The following ADAMTSL1 variants were observed in gnomAD, a reference collection of about 807,000 sequenced individuals.
ADAMTSL1 encodes the protein ADAMTS-like protein 1.
ADAMTSL1 carries 126 observed loss-of-function variants against 201.8 expected under a neutral mutation model. The ratio of observed to expected loss-of-function variants is 0.62; its 90% CI spans 0.54 to 0.72. The LOEUF is 0.72. Among genes scored for constraint, ADAMTSL1 ranks in the 30% least tolerant of loss-of-function variants. The pLI, the probability that ADAMTSL1 is intolerant of heterozygous loss-of-function variation, is 0.00. For synonymous variants in ADAMTSL1, 1,121 were observed against 903.4 expected (o/e 1.24, Z -4.32); for missense variants, 2,679 against 2,277.8 (o/e 1.18, Z -3.59).
Position 18,503,421 on chromosome 9 carries a change from G to GTGTGTATATATATATATATATA in ADAMTSL1, c.64-1407_64-1406insGTGTATATATATATATATATAT, listed in dbSNP as rs376466829. On this transcript the variant is annotated intron_variant, in intron 1 of 28. Coordinates refer to ENST00000380548, the MANE Select transcript of ADAMTSL1 (RefSeq NM_001040272.6). ...TTAAGGCTGAATAGTATTCCATTGT[G>GTGTGTATATATATATATATATA]TATATATATATATATATATACCACA... Among the ~76,000 whole-genome samples the GTGTGTATATATATATATATATA allele has an allele frequency of 1.2e-4, 14 of 115,284 alleles. 1 individual carries two copies. The East Asian group carries it at 2.0e-3, about 17-fold the overall frequency. 75.6% of individuals were successfully genotyped at this position (115,284 alleles called of 152,430 possible).
intron 1 of ADAMTSL1, among the ~76,000 whole-genome samples, chr9:18,076,271 G>T (rs1181133021): frequency 6.6e-6 from 1 of 152,214 alleles, no homozygotes; most frequent in Non-Finnish European, 1.5e-5. Flanking sequence ...TTACCATGGT[G>T]CTGTGCTACC....
intron 1 of ADAMTSL1, among the ~76,000 whole-genome samples, chr9:18,107,899 G>A (rs1004537749): frequency 2.0e-5 from 3 of 152,100 alleles, no homozygotes; most frequent in African/African-American, 4.8e-5. Flanking sequence ...CAGAGCCACC[G>A]TGCTGAGCCC....
At chr9:18,745,684 A>G (rs1819102795) in intron 15 of ADAMTSL1, among the ~76,000 whole-genome samples, 1 of 152,160 alleles carries the variant, frequency 6.6e-6, no homozygotes, top group African/African-American at 2.4e-5. Flanking sequence ...ATACTCATTT[A>G]TATCTGTTGA....
intron 2 of ADAMTSL1, among the ~76,000 whole-genome samples, chr9:18,352,313 G>A (rs781703181): frequency 2.6e-5 from 4 of 152,256 alleles, no homozygotes; most frequent in Non-Finnish European, 4.4e-5. Context: ...GAAATGGCTC[G>A]AAAGGCAGAT....
intron 1 of ADAMTSL1, among the ~76,000 whole-genome samples, chr9:18,119,010 C>T (rs1291360401): frequency 6.6e-6 from 1 of 152,160 alleles, no homozygotes; most frequent in African/African-American, 2.4e-5. Context: ...CCAGAGCCAG[C>T]TTGGCCCCTT....
chr9:18,549,603 G>A (rs1044083771), intron 3 of ADAMTSL1, among the ~76,000 whole-genome samples: 2 of 151,908 alleles, frequency 1.3e-5, no homozygotes, highest in African/African-American at 4.8e-5. Context: ...TAATATTTCT[G>A]GTATTCTTTT....
intron 2 of ADAMTSL1, among the ~76,000 whole-genome samples, chr9:18,230,596 G>A (rs890946279): frequency 2.0e-5 from 3 of 152,100 alleles, no homozygotes; most frequent in African/African-American, 7.2e-5. Context: ...AGTATACCAT[G>A]AAATCTGCCT....
Position 18,307,348 on chromosome 9 carries a change from T to C in ADAMTSL1, c.207+143367T>C, listed in dbSNP as rs559509213. Reference sequence around the variant, plus strand: ...AGGGTCAAATTCACACATAACAATATTAGCCTTCCATGTAAATGGGTTAAA... The same window carrying C: ...AGGGTCAAATTCACACATAACAATACTAGCCTTCCATGTAAATGGGTTAAA... On this transcript the variant is annotated intron_variant, in intron 2 of 29. Coordinates refer to the ADAMTSL1 transcript ENST00000680146. 2.6e-4 allele frequency among the ~76,000 whole-genome samples: 40 copies of C among 152,224 alleles called. 1 individual carries two copies. The South Asian group carries it at 8.0e-3, about 30-fold the overall frequency.
intron 2 of ADAMTSL1, among the ~76,000 whole-genome samples, chr9:18,299,144 G>T: frequency 6.6e-6 from 1 of 152,080 alleles, no homozygotes; most frequent in South Asian, 2.1e-4. Flanking sequence ...GCAGATAGAG[G>T]AACAGTCTTA....
At chr9:18,514,422 G>C (rs186425349) in intron 2 of ADAMTSL1, among the ~76,000 whole-genome samples, 4 of 145,548 alleles carry the variant, frequency 2.7e-5, no homozygotes, top group African/African-American at 1.0e-4. Context: ...CTCCGCCTCC[G>C]GGGTTCACGC....
chr9:18,172,998 A>C (rs1278126013), intron 2 of ADAMTSL1, among the ~76,000 whole-genome samples: 1 of 152,094 alleles, frequency 6.6e-6, no homozygotes, highest in Non-Finnish European at 1.5e-5. Context: ...GAGGACAGAT[A>C]ATTGGGTTGG....
At chr9:18,802,384 T>C (rs1307258389) in intron 20 of ADAMTSL1, among the ~76,000 whole-genome samples, 1 of 152,196 alleles carries the variant, frequency 6.6e-6, no homozygotes, top group Non-Finnish European at 1.5e-5. Context: ...AATCCTCCCA[T>C]TTCTTTCAGC....
intron 1 of ADAMTSL1, among the ~76,000 whole-genome samples, chr9:18,154,593 C>A (rs1005409541): frequency 6.6e-6 from 1 of 152,010 alleles, no homozygotes; most frequent in Admixed American, 6.6e-5. Flanking sequence ...TTAACAGGAA[C>A]AACATATTAT....
rs1358148317 is a variant in ADAMTSL1, at chr9:18,794,397, CCT to C, written c.3678-999_3678-998del. On this transcript the variant is annotated intron_variant, in intron 19 of 28. Coordinates refer to ENST00000380548, the MANE Select transcript of ADAMTSL1 (RefSeq NM_001040272.6). Reference sequence around the variant, plus strand: ...ACACTCGTGGGTGACAGAGCAAGACCCTGTCTCAAAAAAAAAAAACAAAAACA... The same window carrying C: ...ACACTCGTGGGTGACAGAGCAAGACCGTCTCAAAAAAAAAAAACAAAAACA... Among the ~76,000 whole-genome samples, 12 of 146,506 alleles carry C rather than the reference CCT, an allele frequency of 8.2e-5. 1 individual carries two copies. In the East Asian group the frequency reaches 2.1e-3, roughly 25 times the overall value.
chr9:18,260,848 C>G (rs1161445276), intron 2 of ADAMTSL1, among the ~76,000 whole-genome samples: 1 of 152,076 alleles, frequency 6.6e-6, no homozygotes, highest in Non-Finnish European at 1.5e-5. Flanking sequence ...CCACCTAGCT[C>G]CCGTCTCCTG....
intron 1 of ADAMTSL1, among the ~76,000 whole-genome samples, chr9:17,968,407 A>C (rs569098390): frequency 6.6e-6 from 1 of 152,238 alleles, no homozygotes; most frequent in South Asian, 2.1e-4. Flanking sequence ...TTGCTTACTC[A>C]TGCTATAGAG....
At chr9:18,494,534 G>A (rs4961653) in intron 1 of ADAMTSL1, among the ~76,000 whole-genome samples, 52,164 of 151,848 alleles carry the variant, frequency 0.34, 9,902 homozygotes, top group South Asian at 0.46. Flanking sequence ...ATCATGACCC[G>A]ATTACTAGAT....
At chr9:18,014,769 C>T (rs557619977) in intron 1 of ADAMTSL1, among the ~76,000 whole-genome samples, 4 of 152,152 alleles carry the variant, frequency 2.6e-5, no homozygotes, top group African/African-American at 7.2e-5. Context: ...AGGTCTGAAT[C>T]ATCCAGAGTG....
chr9:18,144,276 G>A (rs1465163589), intron 1 of ADAMTSL1, among the ~76,000 whole-genome samples: 1 of 151,824 alleles, frequency 6.6e-6, no homozygotes, highest in Non-Finnish European at 1.5e-5. Context: ...GCGCGATCTT[G>A]GCTTACTGCA....
Sources: gnomAD v4.1 joint callset for allele counts (sites outside exome capture counted in the v4.1 genomes callset) on GRCh38, gnomAD v4.1.1 for gene constraint, MANE v1.5 for transcripts, NCBI Gene and HGNC (gene_info 2026-07-23, HGNC 2026-07-21) for gene names.